Variants in GRIK3 observed in about 807,000 individuals in gnomAD.
The protein encoded by GRIK3 is glutamate receptor ionotropic, kainate 3.
A neutral mutation model predicts 102.5 loss-of-function variants in GRIK3; 29 were observed. That is an observed-to-expected ratio of 0.28 (90% CI 0.21 to 0.39). The LOEUF is 0.39. GRIK3 is among the 10% of genes least tolerant of loss of function. The probability of loss-of-function intolerance (pLI) is 1.00; values close to 1 mark genes in which losing one functional copy is unlikely to be tolerated. For missense variants in GRIK3, 908 were observed against 1,252.4 expected, an observed-to-expected ratio of 0.73 and a Z score of 4.15; for synonymous variants, 511 against 504.9, an observed-to-expected ratio of 1.01 and a Z score of -0.16.
At chr1:36,978,293 C>A (rs146001189) in intron 1 of GRIK3, among the ~76,000 whole-genome samples, 253 of 152,340 alleles carry the variant, frequency 1.7e-3, no homozygotes, top group African/African-American at 5.8e-3. Flanking sequence ...GCACTGCACC[C>A]AGATTACGGA....
chr1:36,883,663 C>G (rs1358531877), intron 2 of GRIK3, among the ~76,000 whole-genome samples: 4 of 152,148 alleles, frequency 2.6e-5, no homozygotes, highest in Non-Finnish European at 4.4e-5. Flanking sequence ...TCCCCTGGTC[C>G]CACTGACTCC....
At chr1:36,945,095 C>A (rs1180545845) in intron 1 of GRIK3, among the ~76,000 whole-genome samples, 1 of 152,246 alleles carries the variant, frequency 6.6e-6, no homozygotes, top group Non-Finnish European at 1.5e-5. Flanking sequence ...AGCAAATGGC[C>A]CACAGTGGCC....
intron 1 of GRIK3, among the ~76,000 whole-genome samples, chr1:37,009,114 C>T (rs888969296): frequency 1.4e-4 from 21 of 151,748 alleles, no homozygotes; most frequent in Admixed American, 1.2e-3. Flanking sequence ...ATATCAACCT[C>T]GAACTGTTGT....
At chr1:37,013,939 C>G (rs1642624952) in intron 1 of GRIK3, among the ~76,000 whole-genome samples, 1 of 152,248 alleles carries the variant, frequency 6.6e-6, no homozygotes, top group Non-Finnish European at 1.5e-5. Flanking sequence ...GCCCCAGCCC[C>G]TTGCACCCCA....
At chr1:36,858,697 T>C (rs558794666) in intron 7 of GRIK3, among the ~76,000 whole-genome samples, 135 of 152,306 alleles carry the variant, frequency 8.9e-4, no homozygotes, top group African/African-American at 3.1e-3. Flanking sequence ...TTCCACGCAA[T>C]GTCTAACTTC....
rs185334191 is a variant in GRIK3 at position 36,986,017 on chromosome 1, C to T, written c.115+47977G>A. Among the ~76,000 whole-genome samples the T allele has an allele frequency of 1.6e-3, 248 of 151,942 alleles. 2 individuals carry two copies. The highest frequency in any genetic ancestry group is 3.5e-4 in the Non-Finnish European group (24 of 67,926). On this transcript the variant is annotated intron_variant, in intron 1 of 15. Transcript: ENST00000373091. ...TGCCCGCTCCAGGAGAAGGTAGAGACGAAATCTCCCTGGAGCACAGCTTCC... is the reference window on the plus strand; with the variant it reads ...TGCCCGCTCCAGGAGAAGGTAGAGATGAAATCTCCCTGGAGCACAGCTTCC...
At position 36,885,724 on chromosome 1, in the gene GRIK3, A is replaced by ACAG. The variant is rs566192885; in HGVS notation, c.293-4836_293-4834dup. ...CCCCACAGGGACCAGGGCAGGGCTT[A>ACAG]CAGCAGCAGCAGCAGCTTTTCTTCC... On this transcript the variant is annotated intron_variant, in intron 2 of 15. Transcript: ENST00000373091. Among the ~76,000 whole-genome samples the ACAG allele has an allele frequency of 3.5e-3, 534 of 152,184 alleles. 3 individuals carry two copies. Among genetic ancestry groups the ACAG allele is most frequent in the African/African-American group, 0.012 (497 of 41,506 alleles).
chr1:36,853,679 G>A lies in GRIK3; in HGVS notation c.1148C>T (p.Thr383Ile), dbSNP rs374703021. The change falls in exon 8 of 16, where the codon ACT (threonine) becomes ATT (isoleucine). Residue 383 changes from threonine to isoleucine, a missense_variant. Physicochemically the swap from Thr to Ile is moderately conservative, Grantham distance 89. Coordinates refer to ENST00000373091, the MANE Select transcript of GRIK3 (RefSeq NM_000831.4). Reference protein sequence around the residue: ...GLTGRIVFNKTSGLRTDFDLD... With the variant: ...GLTGRIVFNKISGLRTDFDLD... ...ATCAAAATCCGTCCGCAAGCCACTA[G>A]TTTTGTTGAAAACAATTCGTCCAGT... 2.5e-5 allele frequency: 41 copies of A among 1,613,876 alleles called. No individual in the cohort carries two copies. The highest frequency in any genetic ancestry group is 4.0e-5 in the African/African-American group (3 of 74,922).
At chr1:36,915,780 C>A (rs548540787) in intron 1 of GRIK3, among the ~76,000 whole-genome samples, 2 of 152,250 alleles carry the variant, frequency 1.3e-5, no homozygotes, top group African/African-American at 4.8e-5. Context: ...GGGCTCCCAG[C>A]CACATGGAAC....
At chr1:37,004,216 G>C (rs960687436) in intron 1 of GRIK3, among the ~76,000 whole-genome samples, 1 of 152,136 alleles carries the variant, frequency 6.6e-6, no homozygotes, top group Admixed American at 6.5e-5. Flanking sequence ...CCCACCCTCC[G>C]AGGGGGCTCG....
At chr1:36,952,686 A>C (rs1641859262) in intron 1 of GRIK3, among the ~76,000 whole-genome samples, 1 of 152,244 alleles carries the variant, frequency 6.6e-6, no homozygotes, top group Non-Finnish European at 1.5e-5. Context: ...TTGGTGGGGC[A>C]AACAGATAAT....
intron 10 of GRIK3, among the ~76,000 whole-genome samples, chr1:36,833,360 C>T (rs1218032580): frequency 6.6e-6 from 1 of 152,214 alleles, no homozygotes; most frequent in Non-Finnish European, 1.5e-5. Flanking sequence ...TGTCAGTGGA[C>T]CCTAGCACCG....
At chr1:36,896,018 G>C (rs2124277689) in intron 1 of GRIK3, among the ~76,000 whole-genome samples, 2 of 152,236 alleles carry the variant, frequency 1.3e-5, no homozygotes, top group African/African-American at 4.8e-5. Context: ...CTATAATTCT[G>C]TATCCTGAGA....
intron 1 of GRIK3, among the ~76,000 whole-genome samples, chr1:37,031,058 CT>C (rs1030148503): frequency 9.2e-5 from 14 of 152,124 alleles, no homozygotes; most frequent in African/African-American, 2.9e-4. Context: ...GCCCGTTTGG[CT>C]GAGAGAATCT....
chr1:36,805,592 GGCC>G (rs1033028165), intron 14 of GRIK3, among the ~76,000 whole-genome samples: 15 of 152,240 alleles, frequency 9.9e-5, no homozygotes, highest in Admixed American at 5.9e-4. Flanking sequence ...CTCAGGCCAG[GGCC>G]ACCCTCACAA....
At chr1:36,855,629 A>G (rs533280516) in intron 7 of GRIK3, among the ~76,000 whole-genome samples, 5 of 152,358 alleles carry the variant, frequency 3.3e-5, no homozygotes, top group Admixed American at 1.3e-4. Flanking sequence ...ACAGGTATAA[A>G]AAGGCATATA....
chr1:36,935,553 C>G (rs181375729), intron 1 of GRIK3, among the ~76,000 whole-genome samples: 6 of 151,072 alleles, frequency 4.0e-5, no homozygotes, highest in African/African-American at 1.5e-4. Flanking sequence ...CCCATCTCTT[C>G]TCCCCACCCT....
In GRIK3 at chr1:36,802,065, AG is replaced by A; in HGVS notation, c.2566-21del. The stretch of plus-strand genomic sequence containing the variant: ...GGAACGCTGCAGGAGGGTGGAGGAG[AG>A]GGGTCGGAAAAGGGGCACAGAGTGA... On this transcript the variant is annotated intron_variant, in intron 15 of 15. Coordinates refer to ENST00000373091, the MANE Select transcript of GRIK3 (RefSeq NM_000831.4). The A allele has an allele frequency of 6.3e-7, 1 of 1,582,970 alleles. No homozygotes were observed.
intron 13 of GRIK3, among the ~76,000 whole-genome samples, chr1:36,810,159 TA>T (rs1193521985): frequency 6.6e-6 from 1 of 152,104 alleles, no homozygotes; most frequent in Non-Finnish European, 1.5e-5. Context: ...CAGGGATAGA[TA>T]AATCCAGAGC....
Sources: gnomAD v4.1 joint callset for allele counts (sites outside exome capture counted in the v4.1 genomes callset) on GRCh38, gnomAD v4.1.1 for gene constraint, MANE v1.5 for transcripts, NCBI Gene and HGNC (gene_info 2026-07-23, HGNC 2026-07-21) for gene names.